The following OR14A16 variants were observed in gnomAD, a reference collection of about 807,000 sequenced individuals.
The protein encoded by OR14A16 is olfactory receptor family 14 subfamily A member 16, also known as olfactory receptor 14A16.
For synonymous variants in OR14A16, 135 were observed against 137.6 expected (o/e 0.98, Z 0.13); for missense variants, 341 against 366.5 (o/e 0.93, Z 0.57).
rs1374410197 is a variant in OR14A16, at chr1:247,819,140, A to G, written c.-93T>C. 1 of 152,216 alleles carries G rather than the reference A, an allele frequency of 6.6e-6. No individual in the cohort carries two copies. Among genetic ancestry groups the G allele is most frequent in the African/African-American group, 2.4e-5 (1 of 41,446 alleles). 9.4% of individuals were successfully genotyped at this position (152,216 alleles called of 1,614,324 possible). ...TTTCAATGCTTCTTTATTCATTTAT[A>G]GAGTGCTTACTAAAGGCCAGATCTT... is the stretch of plus-strand genomic sequence containing the variant. On this transcript the variant is annotated 5_prime_UTR_variant, in exon 2 of 3. Transcript: ENST00000641093.
intron 1 of OR14A16, among the ~76,000 whole-genome samples, chr1:247,822,721 A>T (rs1282827312): frequency 3.9e-5 from 6 of 152,310 alleles, no homozygotes; most frequent in African/African-American, 1.2e-4. Context: ...TTACTAATAC[A>T]TCTTTCAAAT....
chr1:247,817,537 A>G (rs1416444172), intron 2 of OR14A16, among the ~76,000 whole-genome samples: 4 of 152,198 alleles, frequency 2.6e-5, no homozygotes, highest in African/African-American at 9.6e-5. Flanking sequence ...TATGATTACT[A>G]AGACAGATGT....
chr1:247,817,325 A>T (rs1351914695), intron 2 of OR14A16, among the ~76,000 whole-genome samples: 1 of 152,236 alleles, frequency 6.6e-6, no homozygotes. Flanking sequence ...GTTAGAAAAA[A>T]AACCCAGACA....
In OR14A16 at chr1:247,815,290, C is replaced by G. The variant is rs1353307748; in HGVS notation, c.440G>C (p.Trp147Ser). The change falls in exon 3 of 3, where the codon TGG becomes TCG. Residue 147 changes from tryptophan (W) to serine (S), a missense_variant. Coordinates refer to ENST00000641093, the MANE Select transcript of OR14A16 (RefSeq NM_001001966.2). ...CACAGCAATCAGACCCCCATACAGC[C>G]AAGACACAGTGGCTCTTTGGACACA... The part of the protein sequence containing the change: ...STCVQRATVS[W>S]LYGGLIAVMH... 1 of 1,614,124 alleles carries G rather than the reference C, an allele frequency of 6.2e-7. No homozygotes were observed. Among genetic ancestry groups the G allele is most frequent in the Admixed American group, 1.7e-5 (1 of 60,014 alleles).
At chr1:247,819,221 G>A (rs1474267662) in intron 1 of OR14A16, 44 bp from the exon 2 acceptor site, 1 of 152,092 alleles carries the variant, frequency 6.6e-6, no homozygotes, top group African/African-American at 2.4e-5. Flanking sequence ...AAAGGTGTGT[G>A]GGAAGTCACT....
intron 1 of OR14A16, among the ~76,000 whole-genome samples, chr1:247,823,727 A>T (rs1662786191): frequency 6.6e-6 from 1 of 152,188 alleles, no homozygotes; most frequent in Non-Finnish European, 1.5e-5. Flanking sequence ...ACTGGGAAGG[A>T]TACGATAAAT....
chr1:247,817,084 A>C (rs902217808), intron 2 of OR14A16, among the ~76,000 whole-genome samples: 3 of 152,208 alleles, frequency 2.0e-5, no homozygotes, highest in Non-Finnish European at 2.9e-5. Flanking sequence ...TTCGTATTGC[A>C]GTGACATGTG....
chr1:247,817,414 A>G (rs567486146), intron 2 of OR14A16, among the ~76,000 whole-genome samples: 16 of 152,348 alleles, frequency 1.1e-4, no homozygotes, highest in Admixed American at 7.2e-4. Context: ...GTTTTTAAAA[A>G]ATCATTTTAA....
At position 247,814,660 on chromosome 1, in the gene OR14A16, C is replaced by T; in HGVS notation, c.*140G>A. 1 of 471,692 alleles carries T rather than the reference C, an allele frequency of 2.1e-6. No homozygotes were observed. Among genetic ancestry groups the T allele is most frequent in the Non-Finnish European group, 3.5e-6 (1 of 284,688 alleles). 29.2% of individuals were successfully genotyped at this position (471,692 alleles called of 1,614,324 possible). A position where few individuals can be genotyped will look rare whatever the true frequency, so the allele number is the denominator to read the frequency against. On this transcript the variant is annotated 3_prime_UTR_variant, in exon 3 of 3. Coordinates refer to ENST00000641093, the MANE Select transcript of OR14A16 (RefSeq NM_001001966.2). ...GAATAGAAAAATGTAATTAATTGCC[C>T]AAGGAAATTTTCTAATAAAATAATT...
At position 247,820,700 on chromosome 1, in the gene OR14A16, C is replaced by A. The variant is rs114755004; in HGVS notation, c.-130-1523G>T. Among the ~76,000 whole-genome samples, 179 of 137,458 alleles carry A rather than the reference C, an allele frequency of 1.3e-3. 1 individual carries two copies. Among genetic ancestry groups the A allele is most frequent in the Middle Eastern group, 3.6e-3 (1 of 278 alleles). The allele number at this position is 137,458 out of a possible 152,430, so 90.2% of individuals were successfully genotyped here. ...ATCTCTACTAAATACAAAAAAAAAC[C>A]CCAAAAACAATTACCCAAGCGTGGT... On this transcript the variant is annotated intron_variant, in intron 1 of 2. Coordinates refer to ENST00000641093, the MANE Select transcript of OR14A16 (RefSeq NM_001001966.2).
intron 2 of OR14A16, 126 bp from the exon 3 acceptor site, chr1:247,815,870 T>C (rs1662612583): frequency 2.1e-6 from 1 of 472,524 alleles, no homozygotes; most frequent in Non-Finnish European, 3.7e-6. Context: ...GGTAATTCCA[T>C]GCCAATTTGC....
In OR14A16 at chr1:247,815,078, G is replaced by C; in HGVS notation, c.652C>G (p.His218Asp). The change falls in exon 3 of 3, where the codon CAC becomes GAC. Residue 218 changes from histidine to aspartate, a missense_variant. Coordinates refer to ENST00000641093, the MANE Select transcript of OR14A16 (RefSeq NM_001001966.2). ...CFIVIIITYV[H>D]VFSTVKKIPS... is the part of the protein sequence containing the mutation. ...ATCTTCTTGACTGTAGAGAAGACGT[G>C]GACATAGGTAATGATGATGACAATA... The C allele has an allele frequency of 1.2e-6, 2 of 1,613,750 alleles. No individual in the cohort carries two copies. Among genetic ancestry groups the C allele is most frequent in the Non-Finnish European group, 1.7e-6 (2 of 1,179,746 alleles).
intron 1 of OR14A16, among the ~76,000 whole-genome samples, chr1:247,820,684 A>C (rs1211013617): frequency 3.7e-5 from 1 of 26,876 alleles, no homozygotes; most frequent in African/African-American, 4.1e-5. Flanking sequence ...CATCTCTACT[A>C]AATACAAAAA....
At chr1:247,818,944 A>T (rs887391740) in intron 2 of OR14A16, 119 bp downstream of exon 2, 4 of 152,138 alleles carry the variant, frequency 2.6e-5, no homozygotes, top group African/African-American at 9.7e-5. Flanking sequence ...CTTATATCTG[A>T]ATCAAAACAT....
In OR14A16 at chr1:247,814,720, G is replaced by C; in HGVS notation, c.*80C>G. On this transcript the variant is annotated 3_prime_UTR_variant, in exon 3 of 3. Coordinates refer to ENST00000641093, the MANE Select transcript of OR14A16 (RefSeq NM_001001966.2). ...TGTCTTTTTAAATTTTTACTTTTAA[G>C]AATTAGAGATAAAAATGAAGAATTA... The C allele has an allele frequency of 3.0e-6, 2 of 669,980 alleles. No individual in the cohort carries two copies. The highest frequency in any genetic ancestry group is 1.3e-4 in the South Asian group (2 of 15,446). 41.5% of individuals were successfully genotyped at this position (669,980 alleles called of 1,614,324 possible). A position where few individuals can be genotyped will look rare whatever the true frequency, so the allele number is the denominator to read the frequency against.
Position 247,814,934 on chromosome 1 carries a change from T to C in OR14A16, c.796A>G (p.Ile266Val), listed in dbSNP as rs200228735. Residue 266 changes from isoleucine (I) to valine (V), a missense_variant, in exon 3 of 3, where the codon ATT becomes GTT. Ile to Val is a conservative substitution (Grantham distance 29). Coordinates refer to ENST00000641093, the MANE Select transcript of OR14A16 (RefSeq NM_001001966.2). ...YLKPASESPS[I>V]LDAVISVFYT... ...AACACAGAAATTACAGCATCCAAAA[T>C]AGAAGGAGACTCTGAAGCTGGCTTC... is the stretch of plus-strand genomic sequence containing the variant. 1 of 1,613,716 alleles carries C rather than the reference T, an allele frequency of 6.2e-7. No individual in the cohort carries two copies.
At position 247,815,051 on chromosome 1, in the gene OR14A16, G is replaced by C. The variant is rs967469408; in HGVS notation, c.679C>G (p.Pro227Ala). 1 of 1,613,486 alleles carries C rather than the reference G, an allele frequency of 6.2e-7. No homozygotes were observed. The highest frequency in any genetic ancestry group is 1.3e-5 in the African/African-American group (1 of 74,896). ...GCTTTTGACTGGCCTTCTGTGGAAG[G>C]GATCTTCTTGACTGTAGAGAAGACG... ...VHVFSTVKKI[P>A]STEGQSKAYS... The change falls in exon 3 of 3, where the codon CCT becomes GCT. Residue 227 changes from proline to alanine, a missense_variant. Physicochemically the swap from Pro to Ala is conservative, Grantham distance 27. Transcript: ENST00000641093.
chr1:247,815,095 A>G lies in OR14A16; in HGVS notation c.635T>C (p.Ile212Thr), dbSNP rs920170913. 1 of 1,613,888 alleles carries G rather than the reference A, an allele frequency of 6.2e-7. No individual in the cohort carries two copies. The highest frequency in any genetic ancestry group is 1.3e-5 in the African/African-American group (1 of 74,930). Reference sequence around the variant, plus strand: ...GAAGACGTGGACATAGGTAATGATGATGACAATAAAACAGCAGAAATCCAA... The same window carrying G: ...GAAGACGTGGACATAGGTAATGATGGTGACAATAAAACAGCAGAAATCCAA... ...VVLDFCCFIV[I>T]IITYVHVFST... Residue 212 changes from isoleucine (I) to threonine (T), a missense_variant, in exon 3 of 3, where the codon ATC (isoleucine) becomes ACC (threonine). Coordinates refer to ENST00000641093, the MANE Select transcript of OR14A16 (RefSeq NM_001001966.2).
intron 1 of OR14A16, among the ~76,000 whole-genome samples, chr1:247,821,054 C>T (rs1289841931): frequency 6.6e-6 from 1 of 152,156 alleles, no homozygotes; most frequent in Non-Finnish European, 1.5e-5. Flanking sequence ...TTAATTTCAA[C>T]ATATTTGTGA....
Sources: allele counts gnomAD v4.1 joint callset (sites outside exome capture counted in the v4.1 genomes callset), GRCh38; gene constraint gnomAD v4.1.1; transcripts MANE v1.5; gene names NCBI Gene and HGNC (gene_info 2026-07-23, HGNC 2026-07-21).